CDC42BPA: variants seen among roughly 807,000 people sequenced by gnomAD.
CDC42BPA encodes the protein CDC42 binding protein kinase alpha.
In CDC42BPA, 80 loss-of-function variants were observed where a neutral mutation model predicts 223.5. The observed-to-expected ratio is 0.36, with a 90% CI of 0.30 to 0.43. The LOEUF (loss-of-function observed/expected upper bound fraction) is 0.43, where lower values mean the gene tolerates loss of function less well. Ranked by LOEUF, CDC42BPA falls within the 20% of genes least tolerant of loss-of-function variation. The pLI is 1.00. For synonymous variants in CDC42BPA, 694 were observed against 718.6 expected, an observed-to-expected ratio of 0.97 and a Z score of 0.55; for missense variants, 1,743 against 2,099.9, an observed-to-expected ratio of 0.83 and a Z score of 3.32.
At chr1:227,006,366 C>G (rs1424084557) in intron 34 of CDC42BPA, among the ~76,000 whole-genome samples, 1 of 152,128 alleles carries the variant, frequency 6.6e-6, no homozygotes, top group Non-Finnish European at 1.5e-5. Context: ...TGAGCACAGG[C>G]TATGGAGGGA....
At chr1:227,133,805 T>C (rs1025374864) in intron 10 of CDC42BPA, among the ~76,000 whole-genome samples, 1 of 151,952 alleles carries the variant, frequency 6.6e-6, no homozygotes, top group African/African-American at 2.4e-5. Context: ...TAATCTTAAG[T>C]ACCCAGGGAC....
chr1:227,056,592 A>G (rs181547969), intron 21 of CDC42BPA, among the ~76,000 whole-genome samples: 3 of 152,030 alleles, frequency 2.0e-5, no homozygotes, highest in Admixed American at 6.6e-5. Flanking sequence ...GGGTCTCCCT[A>G]TGTTGCCCAG....
chr1:227,071,493 T>C (rs1394706436), intron 20 of CDC42BPA, among the ~76,000 whole-genome samples: 1 of 151,866 alleles, frequency 6.6e-6, no homozygotes, highest in East Asian at 1.9e-4. Context: ...TGAAGCACTC[T>C]GACTAAGCTT....
Position 227,047,714 on chromosome 1 carries a change from C to T in CDC42BPA, c.3093+213G>A, listed in dbSNP as rs1225101228. ...AAGTGCTACTTCTTATTATAACAGA[C>T]TTCAAAACATTGAATTTAAGAAGAT... On this transcript the variant is annotated intron_variant, in intron 23 of 36. Transcript: ENST00000366766. Among the ~76,000 whole-genome samples the T allele has an allele frequency of 2.8e-4, 42 of 152,146 alleles. 1 individual carries two copies. The highest frequency in any genetic ancestry group is 2.8e-3 in the Admixed American group (42 of 15,262).
intron 24 of CDC42BPA, among the ~76,000 whole-genome samples, chr1:227,037,386 T>C (rs1220526838): frequency 6.6e-6 from 1 of 152,230 alleles, no homozygotes; most frequent in Non-Finnish European, 1.5e-5. Flanking sequence ...TATAACTTAA[T>C]ACACTCCTAG....
intron 2 of CDC42BPA, among the ~76,000 whole-genome samples, chr1:227,230,722 C>A (rs1221591234): frequency 6.6e-6 from 1 of 151,300 alleles, no homozygotes; most frequent in East Asian, 1.9e-4. Flanking sequence ...TCTATTGCAT[C>A]TATACATTTT....
intron 2 of CDC42BPA, among the ~76,000 whole-genome samples, chr1:227,223,931 A>G (rs1408954811): frequency 6.6e-6 from 1 of 152,166 alleles, no homozygotes; most frequent in Non-Finnish European, 1.5e-5. Context: ...CTGTAGGCTA[A>G]TAACATAAGT....
intron 6 of CDC42BPA, among the ~76,000 whole-genome samples, chr1:227,148,394 A>G (rs970307827): frequency 7.9e-5 from 12 of 152,332 alleles, no homozygotes; most frequent in Non-Finnish European, 1.8e-4. Flanking sequence ...TACATGTTTT[A>G]GAAGAACTTA....
At chr1:227,186,678 C>T (rs1193507572) in intron 5 of CDC42BPA, among the ~76,000 whole-genome samples, 1 of 152,160 alleles carries the variant, frequency 6.6e-6, no homozygotes, top group African/African-American at 2.4e-5. Context: ...CTACATCACT[C>T]AAGGCCCACT....
At chr1:227,059,902 G>C (rs1675435253) in intron 21 of CDC42BPA, among the ~76,000 whole-genome samples, 1 of 151,186 alleles carries the variant, frequency 6.6e-6, no homozygotes, top group South Asian at 2.1e-4. Flanking sequence ...AAAATTAAAA[G>C]TTATTTGAAC....
At chr1:227,094,717 T>C (rs980855049) in intron 15 of CDC42BPA, among the ~76,000 whole-genome samples, 2 of 152,250 alleles carry the variant, frequency 1.3e-5, no homozygotes, top group Non-Finnish European at 2.9e-5. Context: ...GATTTGTGGT[T>C]TAATGTGTTG....
At chr1:227,221,394 G>A (rs534698162) in intron 2 of CDC42BPA, among the ~76,000 whole-genome samples, 144 of 152,188 alleles carry the variant, frequency 9.5e-4, no homozygotes, top group Non-Finnish European at 1.6e-3. Flanking sequence ...TCTCTAGCAT[G>A]TTCAGCAAAT....
intron 21 of CDC42BPA, among the ~76,000 whole-genome samples, chr1:227,062,373 G>A (rs1676091895): frequency 6.6e-6 from 1 of 152,108 alleles, no homozygotes; most frequent in African/African-American, 2.4e-5. Flanking sequence ...AAGCTTTTCT[G>A]GATCCTCCTG....
intron 1 of CDC42BPA, among the ~76,000 whole-genome samples, chr1:227,280,910 G>A (rs1687915736): frequency 6.6e-6 from 1 of 152,190 alleles, no homozygotes; most frequent in Non-Finnish European, 1.5e-5. Context: ...CAGCACAACA[G>A]CTCAGGGGGT....
At chr1:227,286,531 T>C (rs1688832635) in intron 1 of CDC42BPA, among the ~76,000 whole-genome samples, 1 of 152,200 alleles carries the variant, frequency 6.6e-6, no homozygotes, top group South Asian at 2.1e-4. Context: ...AGTTCCAAAC[T>C]TGCCCTGTCT....
intron 2 of CDC42BPA, among the ~76,000 whole-genome samples, chr1:227,236,131 T>C (rs1255408504): frequency 6.6e-6 from 1 of 152,214 alleles, no homozygotes; most frequent in African/African-American, 2.4e-5. Flanking sequence ...TAACACTTGT[T>C]AGAGCTGCAA....
At chr1:227,273,506 G>T (rs1334296036) in intron 1 of CDC42BPA, among the ~76,000 whole-genome samples, 1 of 151,346 alleles carries the variant, frequency 6.6e-6, no homozygotes, top group Non-Finnish European at 1.5e-5. Context: ...CTGCACTCCA[G>T]CCTGGGCGAC....
chr1:227,037,023 G>C (rs1311236857), intron 24 of CDC42BPA, among the ~76,000 whole-genome samples: 3 of 152,172 alleles, frequency 2.0e-5, no homozygotes, highest in Non-Finnish European at 2.9e-5. Flanking sequence ...GACTCTAGAA[G>C]GGAAGAGAGT....
intron 16 of CDC42BPA, among the ~76,000 whole-genome samples, chr1:227,084,672 C>T (rs11804358): frequency 0.28 from 43,105 of 151,646 alleles, 6,336 homozygotes; most frequent in African/African-American, 0.35. Context: ...GTAGAGATAC[C>T]GTGCTAGTTT....
Sources: allele counts gnomAD v4.1 joint callset (sites outside exome capture counted in the v4.1 genomes callset), GRCh38; gene constraint gnomAD v4.1.1; transcripts MANE v1.5; gene names NCBI Gene and HGNC (gene_info 2026-07-23, HGNC 2026-07-21).